Variants in NRXN3 observed in about 807,000 individuals in gnomAD.
The protein encoded by NRXN3 is neurexin 3.
Under a neutral mutation model 137.6 loss-of-function variants are expected in NRXN3, and 32 were observed. That is an observed-to-expected ratio of 0.23 (90% CI 0.18 to 0.31). The LOEUF (loss-of-function observed/expected upper bound fraction) is 0.31, where lower values mean the gene tolerates loss of function less well. NRXN3 is among the 10% of genes least tolerant of loss of function. NRXN3 has a pLI of 1.00. For synonymous variants in NRXN3, 798 were observed against 784.5 expected, an observed-to-expected ratio of 1.02 and a Z score of -0.29; for missense variants, 1,574 against 2,062.5, an observed-to-expected ratio of 0.76 and a Z score of 4.59.
At chr14:79,358,923 A>ATTT (rs2093586771) in intron 15 of NRXN3, among the ~76,000 whole-genome samples, 2 of 152,204 alleles carry the variant, frequency 1.3e-5, no homozygotes, top group African/African-American at 2.4e-5. Flanking sequence ...CAAAGGGGAA[A>ATTT]AATGTTCATT....
chr14:79,727,124 A>G (rs1429600579), intron 19 of NRXN3, among the ~76,000 whole-genome samples: 3 of 152,220 alleles, frequency 2.0e-5, no homozygotes, highest in African/African-American at 4.8e-5. Flanking sequence ...CAAAATATGT[A>G]TTGACATTAC....
intron 6 of NRXN3, among the ~76,000 whole-genome samples, chr14:78,656,791 C>T (rs1473069756): frequency 1.3e-5 from 2 of 152,040 alleles, no homozygotes; most frequent in Admixed American, 6.6e-5. Context: ...CGCCTGTAAT[C>T]CCAGAACTTT....
intron 4 of NRXN3, among the ~76,000 whole-genome samples, chr14:78,612,950 C>T (rs1326671561): frequency 6.6e-6 from 1 of 152,194 alleles, no homozygotes. Flanking sequence ...ATTTCCCGTG[C>T]ATGGTTCCTC....
At chr14:78,340,288 C>G (rs1211787423) in intron 4 of NRXN3, among the ~76,000 whole-genome samples, 2 of 152,206 alleles carry the variant, frequency 1.3e-5, no homozygotes, top group African/African-American at 2.4e-5. Context: ...TAGGCCATCT[C>G]CGAAGATGTA....
chr14:78,446,345 T>C (rs1281841254), intron 4 of NRXN3, among the ~76,000 whole-genome samples: 1 of 151,526 alleles, frequency 6.6e-6, no homozygotes. Flanking sequence ...ACATGCAAGA[T>C]GGGGGCGTGC....
intron 15 of NRXN3, among the ~76,000 whole-genome samples, chr14:79,216,875 G>A (rs376359136): frequency 6.6e-6 from 1 of 152,090 alleles, no homozygotes; most frequent in Non-Finnish European, 1.5e-5. Context: ...AGTGGCTCAC[G>A]CCTGTAATCC....
At chr14:78,857,557 A>C (rs2099060968) in intron 10 of NRXN3, among the ~76,000 whole-genome samples, 1 of 152,148 alleles carries the variant, frequency 6.6e-6, no homozygotes, top group African/African-American at 2.4e-5. Context: ...TGTGCGTGTA[A>C]TTTATATCCA....
chr14:79,754,519 T>G (rs1463511749), intron 19 of NRXN3, among the ~76,000 whole-genome samples: 1 of 8,694 alleles, frequency 1.2e-4, no homozygotes, highest in African/African-American at 1.1e-3. Context: ...TATATATATA[T>G]ATATATATAT....
rs80207993 is a variant in NRXN3 at position 78,914,406 on chromosome 14, G to C, written c.2276-42836G>C. On this transcript the variant is annotated intron_variant, in intron 10 of 20. Coordinates refer to ENST00000335750, the MANE Select transcript of NRXN3 (RefSeq NM_001330195.2). ...AGAAATTAAAATTGTATAACAGGTGGTGATAAGTTCGTTGGGGAGAAAATA... is the reference window on the plus strand; with the variant it reads ...AGAAATTAAAATTGTATAACAGGTGCTGATAAGTTCGTTGGGGAGAAAATA... 6.8e-4 allele frequency among the ~76,000 whole-genome samples: 103 copies of C among 152,300 alleles called. No homozygotes were observed. In the South Asian group the frequency reaches 0.012, roughly 18 times the overall value.
At chr14:78,784,965 G>A (rs1275859876) in intron 8 of NRXN3, among the ~76,000 whole-genome samples, 1 of 152,166 alleles carries the variant, frequency 6.6e-6, no homozygotes, top group East Asian at 1.9e-4. Context: ...CATTGGCCTG[G>A]AGATAAGACC....
intron 4 of NRXN3, among the ~76,000 whole-genome samples, chr14:78,426,376 A>C (rs757985356): frequency 6.6e-6 from 1 of 152,192 alleles, no homozygotes; most frequent in Non-Finnish European, 1.5e-5. Flanking sequence ...AGGGGATCTC[A>C]CTGCCATTCA....
intron 4 of NRXN3, among the ~76,000 whole-genome samples, chr14:78,608,942 A>T (rs2097275882): frequency 6.6e-6 from 1 of 152,114 alleles, no homozygotes; most frequent in African/African-American, 2.4e-5. Context: ...GGTATTCCAG[A>T]AAAAGGGCTG....
At chr14:79,111,118 GA>G (rs1318499805) in intron 15 of NRXN3, among the ~76,000 whole-genome samples, 2 of 152,034 alleles carry the variant, frequency 1.3e-5, no homozygotes, top group Non-Finnish European at 2.9e-5. Flanking sequence ...AGTTTTTTGG[GA>G]AATTGAGAAT....
intron 4 of NRXN3, among the ~76,000 whole-genome samples, chr14:78,439,025 T>C (rs2094158735): frequency 6.6e-6 from 1 of 152,006 alleles, no homozygotes; most frequent in African/African-American, 2.4e-5. Flanking sequence ...ATTACTTTCT[T>C]CAGTGGGGAA....
intron 2 of NRXN3, among the ~76,000 whole-genome samples, chr14:78,244,415 G>A (rs2067390714): frequency 6.6e-6 from 1 of 151,146 alleles, no homozygotes; most frequent in Admixed American, 6.6e-5. Context: ...GGGTGACAGA[G>A]TGAGACTGTC....
intron 19 of NRXN3, among the ~76,000 whole-genome samples, chr14:79,737,276 C>T (rs1192565957): frequency 1.3e-5 from 2 of 152,170 alleles, no homozygotes; most frequent in African/African-American, 4.8e-5. Flanking sequence ...CTTCCTTAAC[C>T]ACTCAGCAGT....
At chr14:79,161,563 G>A (rs1596629181) in intron 15 of NRXN3, among the ~76,000 whole-genome samples, 1 of 151,976 alleles carries the variant, frequency 6.6e-6, no homozygotes, top group African/African-American at 2.4e-5. Flanking sequence ...AAAGGCAAAT[G>A]TGATTGGATG....
intron 19 of NRXN3, among the ~76,000 whole-genome samples, chr14:79,737,090 A>T (rs2098944509): frequency 6.6e-6 from 1 of 152,250 alleles, no homozygotes; most frequent in Non-Finnish European, 1.5e-5. Context: ...TAAAAGTTTT[A>T]CACTTGCATA....
At chr14:79,717,161 G>A (rs1454520697) in intron 19 of NRXN3, among the ~76,000 whole-genome samples, 1 of 152,162 alleles carries the variant, frequency 6.6e-6, no homozygotes, top group Non-Finnish European at 1.5e-5. Flanking sequence ...TGATGCGACT[G>A]CTGCTTTGAA....
Sources: gnomAD v4.1 joint callset for allele counts (sites outside exome capture counted in the v4.1 genomes callset) on GRCh38, gnomAD v4.1.1 for gene constraint, MANE v1.5 for transcripts, NCBI Gene and HGNC (gene_info 2026-07-23, HGNC 2026-07-21) for gene names.